Variants in CDH12 observed in about 807,000 individuals in gnomAD.
The protein encoded by CDH12 is cadherin 12, also known as cadherin-12.
CDH12 carries 41 observed loss-of-function variants against 74.1 expected under a neutral mutation model. The observed-to-expected ratio is 0.55, with a 90% CI of 0.43 to 0.72. CDH12 has a LOEUF of 0.72. CDH12 is among the 30% of genes least tolerant of loss of function. The pLI is 0.00. For missense variants in CDH12, 945 were observed against 977.2 expected, an observed-to-expected ratio of 0.97 and a Z score of 0.44; for synonymous variants, 399 against 355.0, an observed-to-expected ratio of 1.12 and a Z score of -1.39.
intron 3 of CDH12, among the ~76,000 whole-genome samples, chr5:22,305,075 T>G (rs1738046043): frequency 6.7e-6 from 1 of 149,924 alleles, no homozygotes; most frequent in Non-Finnish European, 1.5e-5. Flanking sequence ...AACAGAATAA[T>G]TTTTTTAAAA....
intron 1 of CDH12, among the ~76,000 whole-genome samples, chr5:22,689,348 C>T (rs1000643239): frequency 3.3e-5 from 5 of 152,036 alleles, no homozygotes; most frequent in African/African-American, 1.2e-4. Flanking sequence ...ACGTGTATGC[C>T]ACATTATAAT....
At chr5:22,832,323 C>A (rs950606126) in intron 1 of CDH12, among the ~76,000 whole-genome samples, 1 of 152,048 alleles carries the variant, frequency 6.6e-6, no homozygotes, top group African/African-American at 2.4e-5. Flanking sequence ...CATATTAAAA[C>A]GTTAGCCAAT....
intron 1 of CDH12, among the ~76,000 whole-genome samples, chr5:22,614,720 C>G (rs1275750768): frequency 1.3e-5 from 2 of 152,110 alleles, no homozygotes; most frequent in Admixed American, 1.3e-4. Context: ...TAATCCATTA[C>G]AGTATTTTCC....
intron 2 of CDH12, among the ~76,000 whole-genome samples, chr5:22,460,452 G>A (rs1272306): frequency 0.47 from 71,716 of 151,866 alleles, 17,333 homozygotes; most frequent in Admixed American, 0.64. Flanking sequence ...GGCAAATACA[G>A]ACAAAAATTG....
chr5:22,431,894 A>G (rs927767464), intron 2 of CDH12, among the ~76,000 whole-genome samples: 2 of 152,214 alleles, frequency 1.3e-5, no homozygotes, highest in African/African-American at 4.8e-5. Flanking sequence ...TAAAAAATAA[A>G]TTTTATAAAG....
At chr5:21,933,161 T>C (rs554668578) in intron 6 of CDH12, among the ~76,000 whole-genome samples, 27 of 152,302 alleles carry the variant, frequency 1.8e-4, no homozygotes, top group Admixed American at 3.9e-4. Flanking sequence ...TATTTAAATC[T>C]GAAGCAGATA....
chr5:22,787,562 AAATAATGTTTTAAAATATTTATTTTT>A (rs1444091403), intron 1 of CDH12, among the ~76,000 whole-genome samples: 3 of 152,070 alleles, frequency 2.0e-5, no homozygotes, highest in Non-Finnish European at 4.4e-5. Context: ...TAAATATTAT[AAATAATGTTTTAAAATATTTATTTTT>A]AATAATGTTT....
intron 6 of CDH12, among the ~76,000 whole-genome samples, chr5:21,908,905 C>G (rs185892625): frequency 6.6e-6 from 1 of 152,052 alleles, no homozygotes; most frequent in African/African-American, 2.4e-5. Flanking sequence ...TAGCAGGGTA[C>G]GCATGAGAGT....
At chr5:21,832,882 ATAT>A (rs1295759277) in intron 8 of CDH12, among the ~76,000 whole-genome samples, 2 of 54,964 alleles carry the variant, frequency 3.6e-5, no homozygotes, top group Admixed American at 2.5e-4. Context: ...ATATGATATA[ATAT>A]TAATATATAT....
intron 13 of CDH12, among the ~76,000 whole-genome samples, chr5:21,756,157 T>G (rs1744385764): frequency 6.6e-6 from 1 of 152,124 alleles, no homozygotes; most frequent in South Asian, 2.1e-4. Context: ...AAAAATAGTT[T>G]TGTAAATAGT....
At chr5:22,057,412 A>G (rs528823563) in intron 5 of CDH12, among the ~76,000 whole-genome samples, 1 of 152,286 alleles carries the variant, frequency 6.6e-6, no homozygotes, top group Admixed American at 6.5e-5. Flanking sequence ...GCCATTAAGC[A>G]GCGAAGCAAA....
intron 1 of CDH12, among the ~76,000 whole-genome samples, chr5:22,825,080 G>T (rs750966232): frequency 1.3e-5 from 2 of 151,874 alleles, no homozygotes; most frequent in East Asian, 1.9e-4. Flanking sequence ...CTACAATCAC[G>T]CATTCATTTA....
chr5:21,849,134 C>A (rs1750332524), intron 7 of CDH12, among the ~76,000 whole-genome samples: 1 of 151,760 alleles, frequency 6.6e-6, no homozygotes, highest in Non-Finnish European at 1.5e-5. Context: ...ATATATGAAA[C>A]CAGAATTCTT....
At chr5:22,736,783 G>A (rs901750005) in intron 1 of CDH12, among the ~76,000 whole-genome samples, 18 of 151,606 alleles carry the variant, frequency 1.2e-4, no homozygotes, top group East Asian at 3.9e-4. Flanking sequence ...ACATAATCTG[G>A]CTACATTCAC....
chr5:22,474,672 A>G (rs953419332), intron 2 of CDH12, among the ~76,000 whole-genome samples: 1 of 152,136 alleles, frequency 6.6e-6, no homozygotes, highest in Admixed American at 6.6e-5. Context: ...GCAGAGGAAA[A>G]CTAAGATGAT....
At chr5:21,895,473 C>A (rs1753081004) in intron 6 of CDH12, among the ~76,000 whole-genome samples, 1 of 152,164 alleles carries the variant, frequency 6.6e-6, no homozygotes, top group Non-Finnish European at 1.5e-5. Flanking sequence ...GGACGCTCAT[C>A]CTGCCCTTAA....
intron 2 of CDH12, among the ~76,000 whole-genome samples, chr5:22,459,114 C>T (rs1487091596): frequency 6.6e-6 from 1 of 152,076 alleles, no homozygotes; most frequent in African/African-American, 2.4e-5. Flanking sequence ...TTTCTCAATA[C>T]AACATGTACT....
intron 3 of CDH12, among the ~76,000 whole-genome samples, chr5:22,224,823 TAAA>T (rs111793656): frequency 0.092 from 13,968 of 151,876 alleles, 665 homozygotes; most frequent in South Asian, 0.15. Context: ...GATTTACACA[TAAA>T]AATTATTATA....
chr5:22,603,836 G>A (rs940619052), intron 1 of CDH12, among the ~76,000 whole-genome samples: 1 of 152,166 alleles, frequency 6.6e-6, no homozygotes, highest in Non-Finnish European at 1.5e-5. Flanking sequence ...TCACTTTTAA[G>A]GAGCTTTCCT....
Sources: gnomAD v4.1 joint callset for allele counts (sites outside exome capture counted in the v4.1 genomes callset) on GRCh38, gnomAD v4.1.1 for gene constraint, MANE v1.5 for transcripts, NCBI Gene and HGNC (gene_info 2026-07-23, HGNC 2026-07-21) for gene names.